SPNS1: variants seen among roughly 807,000 people sequenced by gnomAD.
The protein encoded by SPNS1 is SPNS lysolipid transporter 1, lysophospholipid, also known as protein spinster homolog 1.
A neutral mutation model predicts 50.3 loss-of-function variants in SPNS1; 22 were observed. The observed-to-expected ratio is 0.44, with a 90% CI of 0.31 to 0.62. The LOEUF (loss-of-function observed/expected upper bound fraction) is 0.62, where lower values mean the gene tolerates loss of function less well. SPNS1 is among the 20% of genes least tolerant of loss of function. SPNS1 has a pLI of 0.07. For missense variants in SPNS1, 576 were observed against 728.6 expected, an observed-to-expected ratio of 0.79 and a Z score of 2.41; for synonymous variants, 295 against 317.4, an observed-to-expected ratio of 0.93 and a Z score of 0.75.
intron 5 of SPNS1, 161 bp downstream of exon 5, chr16:28,979,632 C>T (rs1225324425): frequency 2.8e-6 from 2 of 718,790 alleles, no homozygotes; most frequent in Non-Finnish European, 4.7e-6. Flanking sequence ...CTCACTGTAG[C>T]CTGGAACGCC....
chr16:28,984,620 A>C, downstream of SPNS1: 2 of 611,328 alleles, frequency 3.3e-6, no homozygotes, highest in Non-Finnish European at 5.8e-6. Context: ...GCTCCTGAAG[A>C]CTGTGGGTCA....
chr16:28,979,686 G>A (rs9937679), intron 5 of SPNS1: 16,169 of 569,824 alleles, frequency 0.028, 1,981 homozygotes, highest in African/African-American at 0.27. Flanking sequence ...AAGTAGCTGG[G>A]ACTATAGGTG....
rs1229460647 is a variant in SPNS1 at position 28,981,887 on chromosome 16, C to A, written c.810-14C>A. On this transcript the variant is annotated splice_polypyrimidine_tract_variant and intron_variant, in intron 6 of 11. Coordinates refer to ENST00000311008, the MANE Select transcript of SPNS1 (RefSeq NM_032038.3). The surrounding 1 kb of genome is among the most constrained non-coding windows in gnomAD (Gnocchi z 4.2). ...TCCGTGGGGTCTTACTCTCTCCCTC[C>A]CAACTATCTGCAGTCCTAGTTTCGT... The A allele has an allele frequency of 1.9e-6, 3 of 1,613,734 alleles. No individual in the cohort carries two copies. In the African/African-American group the frequency reaches 4.0e-5, roughly 22 times the overall value.
intron 2 of SPNS1, among the ~76,000 whole-genome samples, chr16:28,976,667 C>G (rs1297660498): frequency 6.6e-6 from 1 of 152,160 alleles, no homozygotes; most frequent in Non-Finnish European, 1.5e-5. Context: ...GAATTTGAAA[C>G]CAGGTCTTGC....
chr16:28,977,972 G>C lies in SPNS1; in HGVS notation c.372G>C (p.Arg124=), dbSNP rs1456002899. ...GCTACCTGGGTGACAGGTACAATCG[G>C]AAGTATCTCATGTGCGGGGGCATTG... ...VFGYLGDRYN[R]KYLMCGGIAF... is the part of the protein sequence containing the mutation. Residue 124 remains arginine, a synonymous_variant, in exon 3 of 12, where the codon CGG becomes CGC. Coordinates refer to ENST00000311008, the MANE Select transcript of SPNS1 (RefSeq NM_032038.3). 1.9e-6 allele frequency: 3 copies of C among 1,613,942 alleles called. No homozygotes were observed. The highest frequency in any genetic ancestry group is 1.7e-6 in the Non-Finnish European group (2 of 1,179,910).
intron 2 of SPNS1, among the ~76,000 whole-genome samples, chr16:28,977,312 TAAAAA>T (rs11297402): frequency 5.6e-5 from 7 of 125,700 alleles, no homozygotes; most frequent in Non-Finnish European, 9.7e-5. Context: ...AGACTTCGTT[TAAAAA>T]AAAAAAAAAA....
intron 7 of SPNS1, 135 bp from the exon 8 acceptor site, chr16:28,982,221 C>T: frequency 7.4e-7 from 1 of 1,349,030 alleles, no homozygotes; most frequent in Non-Finnish European, 1.0e-6. Context: ...GGGATGATGT[C>T]TGCCACTCAG....
intron 3 of SPNS1, 53 bp downstream of exon 3, chr16:28,978,097 T>C (rs976332027): frequency 8.8e-6 from 14 of 1,590,262 alleles, no homozygotes; most frequent in Non-Finnish European, 1.1e-5. Flanking sequence ...CCTGTCAGTC[T>C]CTGCTGCTGC....
intron 11 of SPNS1, 110 bp from the exon 12 acceptor site, chr16:28,984,095 C>T (rs780560669): frequency 6.9e-7 from 1 of 1,441,194 alleles, no homozygotes; most frequent in Non-Finnish European, 9.4e-7. Context: ...GCATCCACCC[C>T]TGGGGTGGCT....
chr16:28,983,873 G>A lies in SPNS1; in HGVS notation c.1408G>A (p.Val470Ile). 1 of 1,603,708 alleles carries A rather than the reference G, an allele frequency of 6.2e-7. No homozygotes were observed. The highest frequency in any genetic ancestry group is 8.5e-7 in the Non-Finnish European group (1 of 1,179,552). Residue 470 changes from valine to isoleucine, a missense_variant, in exon 11 of 12, where the codon GTT becomes ATT. Val to Ile is a conservative substitution (Grantham distance 29). Transcript: ENST00000311008. This position sits in a 1 kb window ranked among gnomAD's most constrained non-coding sequence, Gnocchi z 5.4. Reference sequence around the variant, plus strand: ...GTTCTCGCTCATGCTCTGCGCGTTTGTTGGGGCACTGGGCGGCGCAGCCTT... The same window carrying A: ...GTTCTCGCTCATGCTCTGCGCGTTTATTGGGGCACTGGGCGGCGCAGCCTT... ...LQFSLMLCAF[V>I]GALGGAAFLG...
At position 28,981,197 on chromosome 16, in the gene SPNS1, G is replaced by C. The variant is rs1437863775; in HGVS notation, c.664-273G>C. ...CAGTCCTCTTGTTGGCCAAGCCTGG[G>C]ATCCTATTTAAACCAAGTGGATTGA... On this transcript the variant is annotated intron_variant, in intron 5 of 11. Transcript: ENST00000311008. This position sits in a 1 kb window ranked among gnomAD's most constrained non-coding sequence, Gnocchi z 4.2. Among the ~76,000 whole-genome samples the C allele has an allele frequency of 6.6e-6, 1 of 152,162 alleles. No homozygotes were observed. The highest frequency in any genetic ancestry group is 1.5e-5 in the Non-Finnish European group (1 of 68,026).
At position 28,981,866 on chromosome 16, in the gene SPNS1, T is replaced by TG. The variant is rs773919660; in HGVS notation, c.810-31dup. On this transcript the variant is annotated intron_variant, in intron 6 of 11. Transcript: ENST00000311008. This position sits in a 1 kb window ranked among gnomAD's most constrained non-coding sequence, Gnocchi z 4.2. ...GTCCCCTCCTGCCTCGACACCTCCG[T>TG]GGGGTCTTACTCTCTCCCTCCCAAC... 9.3e-6 allele frequency: 15 copies of TG among 1,611,550 alleles called. No homozygotes were observed. The highest frequency in any genetic ancestry group is 1.3e-5 in the Non-Finnish European group (15 of 1,178,326).
Position 28,974,934 on chromosome 16 carries a change from C to A in SPNS1, c.-218C>A. The stretch of plus-strand genomic sequence containing the variant: ...CCTGTCCCCGACATCACGTGTATTC[C>A]GCACGTCCCCTCCGCGCTGTGTGTC... On this transcript the variant is annotated 5_prime_UTR_variant, in exon 1 of 12. Transcript: ENST00000311008. 2.0e-6 allele frequency: 3 copies of A among 1,502,388 alleles called. No homozygotes were observed. Among genetic ancestry groups the A allele is most frequent in the Non-Finnish European group, 2.7e-6 (3 of 1,126,712 alleles). The allele number at this position is 1,502,388 out of a possible 1,614,324, so 93.1% of individuals were successfully genotyped here.
At position 28,981,663 on chromosome 16, in the gene SPNS1, T is replaced by C. The variant is rs759288031; in HGVS notation, c.809+48T>C. 1 of 1,599,670 alleles carries C rather than the reference T, an allele frequency of 6.3e-7. No individual in the cohort carries two copies. Among genetic ancestry groups the C allele is most frequent in the South Asian group, 1.1e-5 (1 of 89,490 alleles). ...CCACCATCTGAGGCCCCCTGGCGTC[T>C]GGTTTGAGGTTTAAGTGGGGATGTT... On this transcript the variant is annotated intron_variant, in intron 6 of 11. Transcript: ENST00000311008. The surrounding 1 kb of genome is among the most constrained non-coding windows in gnomAD (Gnocchi z 4.2).
intron 5 of SPNS1, chr16:28,980,495 C>T (rs1284813778): frequency 1.3e-5 from 2 of 152,076 alleles, no homozygotes; most frequent in African/African-American, 2.4e-5. Context: ...CTGCCCTCAC[C>T]TGGAAGCCAT....
At position 28,984,442 on chromosome 16, in the gene SPNS1, A is replaced by G. The variant is rs1175784241; in HGVS notation, c.*143A>G. On this transcript the variant is annotated 3_prime_UTR_variant, in exon 12 of 12. Transcript: ENST00000311008. ...GCCAGCTCCCAGACACTACCTGGGT[A>G]GCTCAGGGGAGGAGGTGGGGGTCCA... 7.3e-6 allele frequency: 6 copies of G among 816,460 alleles called. No homozygotes were observed. Among genetic ancestry groups the G allele is most frequent in the Non-Finnish European group, 1.2e-5 (6 of 489,464 alleles). 50.6% of individuals were successfully genotyped at this position (816,460 alleles called of 1,614,324 possible).
chr16:28,978,901 C>A (rs1965437189), intron 3 of SPNS1: 3 of 529,318 alleles, frequency 5.7e-6, no homozygotes, highest in Middle Eastern at 5.2e-4. Flanking sequence ...TTGTCTAGTC[C>A]TTGCAATAGC....
At chr16:28,984,621 CTG>C (rs929420438), downstream of SPNS1, 86 of 612,410 alleles carry the variant, frequency 1.4e-4, no homozygotes, top group African/African-American at 1.6e-3. Context: ...CTCCTGAAGA[CTG>C]TGGGTCATTC....
intron 5 of SPNS1, 35 bp downstream of exon 5, chr16:28,979,506 A>G (rs1387872120): frequency 6.2e-7 from 1 of 1,606,880 alleles, no homozygotes; most frequent in South Asian, 1.1e-5. Flanking sequence ...TAGGTCAGCG[A>G]CGTTCTCACT....
Sources: allele counts gnomAD v4.1 joint callset (sites outside exome capture counted in the v4.1 genomes callset), GRCh38; gene constraint gnomAD v4.1.1; non-coding constraint Gnocchi (gnomAD v3.1); transcripts MANE v1.5; gene names NCBI Gene and HGNC (gene_info 2026-07-23, HGNC 2026-07-21).